Variants in PPP2R2B observed in about 807,000 individuals in gnomAD.
PPP2R2B encodes the protein protein phosphatase 2 regulatory subunit Bbeta.
A neutral mutation model predicts 46.0 loss-of-function variants in PPP2R2B; 5 were observed. The ratio of observed to expected loss-of-function variants is 0.11; its 90% CI spans 0.06 to 0.23. PPP2R2B has a LOEUF of 0.23. Among genes scored for constraint, PPP2R2B ranks in the 10% least tolerant of loss-of-function variants. PPP2R2B has a pLI of 1.00. For missense variants in PPP2R2B, 367 were observed against 575.0 expected, an observed-to-expected ratio of 0.64 and a Z score of 3.70; for synonymous variants, 215 against 206.7, an observed-to-expected ratio of 1.04 and a Z score of -0.34.
chr5:146,647,600 T>A (rs901791807), intron 6 of PPP2R2B, among the ~76,000 whole-genome samples: 1 of 152,250 alleles, frequency 6.6e-6, no homozygotes, highest in Admixed American at 6.5e-5. Flanking sequence ...ATCTGCAGAA[T>A]ATAACCTAAA....
At chr5:147,031,162 G>A (rs560460683) in intron 1 of PPP2R2B, among the ~76,000 whole-genome samples, 42 of 152,116 alleles carry the variant, frequency 2.8e-4, no homozygotes, top group South Asian at 1.2e-3. Flanking sequence ...GCGTGAACCC[G>A]GGAGGCGGAG....
chr5:146,850,296 C>G (rs1355642546), intron 2 of PPP2R2B, among the ~76,000 whole-genome samples: 1 of 152,182 alleles, frequency 6.6e-6, no homozygotes, highest in Non-Finnish European at 1.5e-5. Flanking sequence ...TAGACCCTTT[C>G]CAATCTATTC....
intron 2 of PPP2R2B, among the ~76,000 whole-genome samples, chr5:146,845,303 TTC>T (rs1184670159): frequency 0.015 from 4 of 260 alleles, no homozygotes; most frequent in African/African-American, 0.021. Flanking sequence ...TCTTTTCCTT[TTC>T]TTTTTTTTGT....
At chr5:146,999,598 TGGC>T (rs1754072985) in intron 1 of PPP2R2B, among the ~76,000 whole-genome samples, 1 of 152,196 alleles carries the variant, frequency 6.6e-6, no homozygotes, top group South Asian at 2.1e-4. Flanking sequence ...GGACCTTATG[TGGC>T]TTCTTCTCTA....
chr5:146,800,917 T>C (rs1007235528), intron 2 of PPP2R2B, among the ~76,000 whole-genome samples: 32 of 145,428 alleles, frequency 2.2e-4, no homozygotes, highest in African/African-American at 6.6e-4. Context: ...TATGTGTACA[T>C]ACACACACAC....
Position 146,840,273 on chromosome 5 carries a change from C to T in PPP2R2B, c.70+37729G>A, listed in dbSNP as rs139127086. 2.2e-3 allele frequency among the ~76,000 whole-genome samples: 329 copies of T among 152,186 alleles called. 1 individual carries two copies. The highest frequency in any genetic ancestry group is 7.5e-3 in the African/African-American group (313 of 41,548). On this transcript the variant is annotated intron_variant, in intron 2 of 9. Coordinates refer to ENST00000394411, the MANE Select transcript of PPP2R2B (RefSeq NM_181675.4). ...TTGAGTGACTCCTCTGTGCCAGGCACGTTGTCCTTACAGAGCTTAAAGTCC... is the reference window on the plus strand; with the variant it reads ...TTGAGTGACTCCTCTGTGCCAGGCATGTTGTCCTTACAGAGCTTAAAGTCC...
chr5:146,736,197 C>T, intron 2 of PPP2R2B, among the ~76,000 whole-genome samples: 1 of 152,114 alleles, frequency 6.6e-6, no homozygotes, highest in East Asian at 1.9e-4. Context: ...TGTTTGCTTC[C>T]CCTTTTGACA....
At chr5:146,745,295 C>A (rs1582006408) in intron 2 of PPP2R2B, among the ~76,000 whole-genome samples, 1 of 152,102 alleles carries the variant, frequency 6.6e-6, no homozygotes, top group East Asian at 1.9e-4. Context: ...CTTGGTAACC[C>A]TGTGCCCTTG....
intron 1 of PPP2R2B, among the ~76,000 whole-genome samples, chr5:146,963,648 GATA>G (rs1752277784): frequency 1.3e-5 from 2 of 151,910 alleles, no homozygotes; most frequent in Admixed American, 6.6e-5. Context: ...TTTTCCCATA[GATA>G]ATGTTATTAT....
intron 2 of PPP2R2B, chr5:146,706,394 G>C: frequency 1.3e-6 from 1 of 750,252 alleles, no homozygotes; most frequent in Non-Finnish European, 2.2e-6. Context: ...CACACCACCT[G>C]CATAGCCGCT....
At chr5:146,675,676 T>G (rs1465961282) in intron 5 of PPP2R2B, among the ~76,000 whole-genome samples, 5 of 152,160 alleles carry the variant, frequency 3.3e-5, no homozygotes, top group Non-Finnish European at 7.4e-5. Flanking sequence ...ATTGCCCCTT[T>G]CTGGAGCCAG....
chr5:146,781,143 T>C (rs1362635230), intron 2 of PPP2R2B, among the ~76,000 whole-genome samples: 2 of 61,636 alleles, frequency 3.2e-5, no homozygotes, highest in Admixed American at 3.2e-4. Flanking sequence ...TATATATATA[T>C]ATATATATAT....
At chr5:146,966,476 T>C (rs1305936176) in intron 1 of PPP2R2B, among the ~76,000 whole-genome samples, 1 of 152,220 alleles carries the variant, frequency 6.6e-6, no homozygotes, top group Non-Finnish European at 1.5e-5. Flanking sequence ...ACTGCGGCTA[T>C]GTGAGCAGAG....
At chr5:146,823,635 C>T (rs576049731) in intron 2 of PPP2R2B, among the ~76,000 whole-genome samples, 6 of 152,042 alleles carry the variant, frequency 3.9e-5, no homozygotes, top group African/African-American at 7.2e-5. Flanking sequence ...CATAGTGCCA[C>T]GTCCACTTTA....
intron 1 of PPP2R2B, among the ~76,000 whole-genome samples, chr5:146,913,058 G>C (rs1330963304): frequency 6.6e-6 from 1 of 152,170 alleles, no homozygotes; most frequent in Non-Finnish European, 1.5e-5. Context: ...TTTATTTCAG[G>C]CTTTTTTGGA....
intron 2 of PPP2R2B, among the ~76,000 whole-genome samples, chr5:146,863,033 C>CTTT (rs34512431): frequency 7.0e-6 from 1 of 143,682 alleles, no homozygotes. Flanking sequence ...ACTGCTTTTG[C>CTTT]TTTTTTTTTT....
chr5:146,773,699 C>CT (rs1264202165), intron 2 of PPP2R2B, among the ~76,000 whole-genome samples: 2 of 152,110 alleles, frequency 1.3e-5, no homozygotes, highest in Admixed American at 6.6e-5. Context: ...TGAGAATTCT[C>CT]TTTTTTTCTG....
intron 7 of PPP2R2B, among the ~76,000 whole-genome samples, chr5:146,627,107 G>C (rs1462815119): frequency 6.6e-6 from 1 of 152,168 alleles, no homozygotes; most frequent in Admixed American, 6.5e-5. Context: ...AGTGAATTCT[G>C]CTCCTTGCAG....
At chr5:146,601,452 G>A (rs1293365293) in intron 7 of PPP2R2B, among the ~76,000 whole-genome samples, 1 of 152,118 alleles carries the variant, frequency 6.6e-6, no homozygotes, top group African/African-American at 2.4e-5. Flanking sequence ...AGCCAGGCAT[G>A]GTGGGGCATG....
Sources: gnomAD v4.1 joint callset for allele counts (sites outside exome capture counted in the v4.1 genomes callset) on GRCh38, gnomAD v4.1.1 for gene constraint, MANE v1.5 for transcripts, NCBI Gene and HGNC (gene_info 2026-07-23, HGNC 2026-07-21) for gene names.